Variants in CNTLN observed in about 807,000 individuals in gnomAD.
The protein encoded by CNTLN is centlein, also known as centlein, centrosomal protein.
A neutral mutation model predicts 180.0 loss-of-function variants in CNTLN; 212 were observed. The ratio of observed to expected loss-of-function variants is 1.18; its 90% CI spans 1.05 to 1.32. The LOEUF (loss-of-function observed/expected upper bound fraction) is 1.32. Among genes scored for constraint, CNTLN ranks in the 40% most tolerant of loss-of-function variants. The pLI is 0.00. For synonymous variants in CNTLN, 722 were observed against 563.1 expected (o/e 1.28, Z -3.99); for missense variants, 2,095 against 1,610.9 (o/e 1.30, Z -5.14).
chr9:17,431,239 G>C (rs1829403863), intron 18 of CNTLN, among the ~76,000 whole-genome samples: 1 of 152,054 alleles, frequency 6.6e-6, no homozygotes, highest in African/African-American at 2.4e-5. Flanking sequence ...TTTGATAACA[G>C]CCATTTTGAC....
chr9:17,270,596 T>C (rs904451635), intron 5 of CNTLN, among the ~76,000 whole-genome samples: 3 of 152,164 alleles, frequency 2.0e-5, no homozygotes, highest in South Asian at 2.1e-4. Context: ...GGATAACAGG[T>C]CATTTCATAA....
intron 25 of CNTLN, among the ~76,000 whole-genome samples, chr9:17,500,689 A>G (rs1833701900): frequency 6.6e-6 from 1 of 152,204 alleles, no homozygotes; most frequent in African/African-American, 2.4e-5. Context: ...TTAGAGAACA[A>G]TTTTAGAAAA....
At chr9:17,310,182 G>C (rs1819028045) in intron 8 of CNTLN, among the ~76,000 whole-genome samples, 1 of 151,998 alleles carries the variant, frequency 6.6e-6, no homozygotes. Flanking sequence ...CATTACAAAT[G>C]GCTTACATCC....
intron 16 of CNTLN, among the ~76,000 whole-genome samples, chr9:17,414,424 C>T (rs1828074751): frequency 6.6e-6 from 1 of 152,056 alleles, no homozygotes; most frequent in South Asian, 2.1e-4. Context: ...AATCTGGTGA[C>T]TGATATTAGT....
At chr9:17,480,938 A>G (rs1203229685) in intron 23 of CNTLN, among the ~76,000 whole-genome samples, 1 of 152,228 alleles carries the variant, frequency 6.6e-6, no homozygotes, top group Non-Finnish European at 1.5e-5. Context: ...CTATGTGTGT[A>G]ATACACAAAA....
At chr9:17,263,750 T>G (rs145190003) in intron 5 of CNTLN, among the ~76,000 whole-genome samples, 36,550 of 143,034 alleles carry the variant, frequency 0.26, 5,150 homozygotes, top group South Asian at 0.4. Context: ...TGGTGTGAGA[T>G]GGTATCTCAT....
rs371466627 is a variant in CNTLN at position 17,466,053 on chromosome 9, G to T, written c.3604G>T (p.Ala1202Ser). The change falls in exon 22 of 26, where the codon GCT becomes TCT. Residue 1202 changes from alanine to serine, a missense_variant. By Grantham distance (99) the Ala-to-Ser change is moderately conservative. Transcript: ENST00000380647. ...TTCACTAAAGCAAAGACTTAACGTT[G>T]CTGTAAAAGAAAAGTCACAGTATGA... ...IDSLKQRLNVAVKEKSQYEQM... is the reference protein window; with the variant it reads ...IDSLKQRLNVSVKEKSQYEQM... The T allele has an allele frequency of 1.1e-5, 18 of 1,605,480 alleles. No homozygotes were observed. Among genetic ancestry groups the T allele is most frequent in the Non-Finnish European group, 1.2e-5 (14 of 1,174,050 alleles).
intron 6 of CNTLN, among the ~76,000 whole-genome samples, chr9:17,280,073 A>G (rs910463712): frequency 6.6e-6 from 1 of 152,176 alleles, no homozygotes; most frequent in Admixed American, 6.5e-5. Context: ...TGTAAGAATA[A>G]CTGTAAGAAA....
intron 24 of CNTLN, among the ~76,000 whole-genome samples, chr9:17,485,085 C>G (rs1348330347): frequency 6.6e-6 from 1 of 152,154 alleles, no homozygotes; most frequent in Non-Finnish European, 1.5e-5. Context: ...TAGCCACTGC[C>G]TCATAACAGC....
At chr9:17,298,130 T>G (rs181389046) in intron 6 of CNTLN, 60 bp from the exon 7 acceptor site, 6 of 1,330,600 alleles carry the variant, frequency 4.5e-6, no homozygotes, top group Non-Finnish European at 5.9e-6. Context: ...ATGAACACAA[T>G]TATTTAACTG....
intron 23 of CNTLN, among the ~76,000 whole-genome samples, chr9:17,479,229 G>T (rs1442726731): frequency 1.3e-5 from 2 of 152,196 alleles, no homozygotes; most frequent in Non-Finnish European, 2.9e-5. Flanking sequence ...GATCTTGAAT[G>T]GATGTTAGGA....
chr9:17,222,551 C>G (rs1240449051), intron 2 of CNTLN, among the ~76,000 whole-genome samples: 2 of 151,970 alleles, frequency 1.3e-5, no homozygotes, highest in African/African-American at 2.4e-5. Flanking sequence ...CTCATTTTCT[C>G]TTGCCGCTGC....
At chr9:17,191,610 G>C (rs1821791927) in intron 2 of CNTLN, among the ~76,000 whole-genome samples, 1 of 152,186 alleles carries the variant, frequency 6.6e-6, no homozygotes, top group African/African-American at 2.4e-5. Context: ...TTAAGAACCT[G>C]AGTTAGTAAT....
At chr9:17,204,289 A>G (rs1822759537) in intron 2 of CNTLN, among the ~76,000 whole-genome samples, 1 of 152,036 alleles carries the variant, frequency 6.6e-6, no homozygotes, top group South Asian at 2.1e-4. Context: ...CCTCATCTCC[A>G]TGGATTTATC....
intron 23 of CNTLN, among the ~76,000 whole-genome samples, chr9:17,475,407 G>A (rs1437896167): frequency 6.6e-6 from 1 of 151,268 alleles, no homozygotes; most frequent in Non-Finnish European, 1.5e-5. Context: ...AATATTTAAA[G>A]ATGGCCATAA....
chr9:17,487,624 C>T (rs181326212), intron 25 of CNTLN, among the ~76,000 whole-genome samples: 60 of 152,192 alleles, frequency 3.9e-4, no homozygotes, highest in African/African-American at 1.4e-3. Context: ...AAAATTTCCA[C>T]CAGAGGCCCC....
At chr9:17,250,853 A>G (rs1208409173) in intron 5 of CNTLN, among the ~76,000 whole-genome samples, 2 of 151,972 alleles carry the variant, frequency 1.3e-5, no homozygotes, top group Non-Finnish European at 2.9e-5. Context: ...AGAAGTCTTT[A>G]TTTCTTCATA....
chr9:17,241,235 T>A (rs1825471569), intron 5 of CNTLN, among the ~76,000 whole-genome samples: 1 of 152,210 alleles, frequency 6.6e-6, no homozygotes, highest in African/African-American at 2.4e-5. Context: ...TTGAATTTTG[T>A]ACATGGCAAC....
At chr9:17,353,767 C>T (rs938087680) in intron 12 of CNTLN, among the ~76,000 whole-genome samples, 3 of 151,976 alleles carry the variant, frequency 2.0e-5, no homozygotes, top group East Asian at 1.9e-4. Context: ...GAGGTGACAG[C>T]GTGCTGGCAG....
Sources: allele counts gnomAD v4.1 joint callset (sites outside exome capture counted in the v4.1 genomes callset), GRCh38; gene constraint gnomAD v4.1.1; transcripts MANE v1.5; gene names NCBI Gene and HGNC (gene_info 2026-07-23, HGNC 2026-07-21).